PBX1: variants seen among roughly 807,000 people sequenced by gnomAD.
The protein encoded by PBX1 is PBX homeobox 1.
In PBX1, 6 loss-of-function variants were observed where a neutral mutation model predicts 53.4. The ratio of observed to expected loss-of-function variants is 0.11; its 90% CI spans 0.06 to 0.22. The LOEUF is 0.22. Ranked by LOEUF, PBX1 falls within the 10% of genes least tolerant of loss-of-function variation. PBX1 has a pLI of 1.00. For missense variants in PBX1, 251 were observed against 551.4 expected (o/e 0.46, Z 5.46); for synonymous variants, 204 against 212.3 (o/e 0.96, Z 0.34).
intron 2 of PBX1, among the ~76,000 whole-genome samples, chr1:164,600,168 T>C (rs776947735): frequency 1.3e-5 from 2 of 151,026 alleles, no homozygotes; most frequent in Non-Finnish European, 2.9e-5. Flanking sequence ...AGGACTGTGT[T>C]AAAAAATCCA....
chr1:164,709,529 C>T (rs1178495114), intron 2 of PBX1, among the ~76,000 whole-genome samples: 1 of 151,998 alleles, frequency 6.6e-6, no homozygotes, highest in East Asian at 1.9e-4. Flanking sequence ...TCGGGAAAGA[C>T]CACTGTAACC....
At chr1:164,826,468 G>A (rs1037375604) in intron 8 of PBX1, among the ~76,000 whole-genome samples, 1 of 151,942 alleles carries the variant, frequency 6.6e-6, no homozygotes, top group African/African-American at 2.4e-5. Context: ...GCAGTGGTGT[G>A]ATCTCAGCTC....
intron 2 of PBX1, among the ~76,000 whole-genome samples, chr1:164,728,764 C>A (rs1374137505): frequency 6.6e-6 from 1 of 151,992 alleles, no homozygotes; most frequent in African/African-American, 2.4e-5. Flanking sequence ...TTTATAACAC[C>A]GGTTGAGTAA....
rs148735302 is a variant in PBX1, at chr1:164,766,794, T to C, written c.266-25700T>C. 3.7e-3 allele frequency among the ~76,000 whole-genome samples: 564 copies of C among 151,158 alleles called. 8 individuals are homozygous for C. The highest frequency in any genetic ancestry group is 0.013 in the African/African-American group (524 of 41,188). On this transcript the variant is annotated intron_variant, in intron 2 of 8. Coordinates refer to ENST00000420696, the MANE Select transcript of PBX1 (RefSeq NM_002585.4). ...TGTCACCCAGCCTGGAATGCAGTAG[T>C]GTGATCACTGCAACCTTTGCCTCCC... is the stretch of plus-strand genomic sequence containing the variant.
intron 2 of PBX1, among the ~76,000 whole-genome samples, chr1:164,627,802 A>ATT (rs200638115): frequency 6.6e-6 from 1 of 151,704 alleles, no homozygotes; most frequent in Admixed American, 6.6e-5. Context: ...TCTCTTTTGT[A>ATT]TTTTTTTTCT....
intron 2 of PBX1, among the ~76,000 whole-genome samples, chr1:164,697,058 T>C (rs1662838294): frequency 6.6e-6 from 1 of 152,234 alleles, no homozygotes. Context: ...ACCTACTTCA[T>C]GGGGTTTGGT....
intron 2 of PBX1, among the ~76,000 whole-genome samples, chr1:164,727,087 T>C (rs1664738005): frequency 6.6e-6 from 1 of 151,862 alleles, no homozygotes; most frequent in South Asian, 2.1e-4. Context: ...CCAAGCTTTG[T>C]CTTTTATTAA....
chr1:164,652,900 C>G (rs1301672636), intron 2 of PBX1, among the ~76,000 whole-genome samples: 1 of 149,222 alleles, frequency 6.7e-6, no homozygotes, highest in African/African-American at 2.5e-5. Flanking sequence ...GACAGAGTCT[C>G]ACTCTGTCGC....
chr1:164,569,462 C>T (rs889459846), intron 2 of PBX1, among the ~76,000 whole-genome samples: 6 of 151,798 alleles, frequency 4.0e-5, no homozygotes, highest in Admixed American at 2.0e-4. Context: ...GAGGCTTATA[C>T]CAGATGGTCC....
chr1:164,727,279 T>C (rs1664748131), intron 2 of PBX1, among the ~76,000 whole-genome samples: 1 of 152,204 alleles, frequency 6.6e-6, no homozygotes, highest in Non-Finnish European at 1.5e-5. Context: ...TCTCTACAAT[T>C]CTGTTGTTTT....
intron 2 of PBX1, among the ~76,000 whole-genome samples, chr1:164,708,765 C>T (rs924094526): frequency 6.6e-6 from 1 of 152,124 alleles, no homozygotes; most frequent in Non-Finnish European, 1.5e-5. Context: ...TTATATTATA[C>T]CCATTTTAGG....
chr1:164,724,856 C>A (rs1664614713), intron 2 of PBX1, among the ~76,000 whole-genome samples: 2 of 151,944 alleles, frequency 1.3e-5, no homozygotes, highest in African/African-American at 4.8e-5. Context: ...TGTTGCCTCT[C>A]CAGGTGTGAG....
At chr1:164,675,367 G>C (rs142951364) in intron 2 of PBX1, among the ~76,000 whole-genome samples, 1 of 151,988 alleles carries the variant, frequency 6.6e-6, no homozygotes, top group African/African-American at 2.4e-5. Context: ...AGTAATTGCG[G>C]TTTTTGCCTT....
chr1:164,708,828 A>G (rs1663593356), intron 2 of PBX1, among the ~76,000 whole-genome samples: 1 of 152,240 alleles, frequency 6.6e-6, no homozygotes, highest in Non-Finnish European at 1.5e-5. Flanking sequence ...GAAAATGCCA[A>G]GTTTGAATCT....
At chr1:164,872,895 T>C (rs866324835) in intron 2 of PBX1, among the ~76,000 whole-genome samples, 7 of 152,232 alleles carry the variant, frequency 4.6e-5, no homozygotes, top group Non-Finnish European at 1.0e-4. Flanking sequence ...GATTTTGTCA[T>C]TTAACATATT....
chr1:164,874,131 A>C (rs974576142), intron 2 of PBX1, among the ~76,000 whole-genome samples: 7 of 152,202 alleles, frequency 4.6e-5, no homozygotes, highest in African/African-American at 1.7e-4. Flanking sequence ...TGCATCTTCT[A>C]GAACTGTGAG....
intron 2 of PBX1, among the ~76,000 whole-genome samples, chr1:164,747,319 G>GTGTA (rs1553239764): frequency 1.9e-4 from 29 of 150,212 alleles, no homozygotes; most frequent in East Asian, 1.8e-3. Flanking sequence ...TATGAATCAT[G>GTGTA]TATATATATA....
chr1:164,759,196 G>A (rs941676105), intron 2 of PBX1, among the ~76,000 whole-genome samples: 1 of 152,204 alleles, frequency 6.6e-6, no homozygotes, highest in Non-Finnish European at 1.5e-5. Context: ...CGGTTCTCAA[G>A]TACCTTAACA....
At chr1:164,858,347 C>T (rs1228572193) in intron 2 of PBX1, among the ~76,000 whole-genome samples, 1 of 152,002 alleles carries the variant, frequency 6.6e-6, no homozygotes, top group Non-Finnish European at 1.5e-5. Context: ...AATATTTCTG[C>T]ACCTCAGCTC....
Sources: gnomAD v4.1 joint callset for allele counts (sites outside exome capture counted in the v4.1 genomes callset) on GRCh38, gnomAD v4.1.1 for gene constraint, MANE v1.5 for transcripts, NCBI Gene and HGNC (gene_info 2026-07-23, HGNC 2026-07-21) for gene names.